REPS1: variants seen among roughly 807,000 people sequenced by gnomAD.
The protein encoded by REPS1 is ralBP1-associated Eps domain-containing protein 1.
Under a neutral mutation model 100.9 loss-of-function variants are expected in REPS1, and 39 were observed. The ratio of observed to expected loss-of-function variants is 0.39; its 90% CI spans 0.30 to 0.50. The LOEUF is 0.50. Ranked by LOEUF, REPS1 falls within the 20% of genes least tolerant of loss-of-function variation. REPS1 has a pLI of 0.86. For missense variants in REPS1, 821 were observed against 968.5 expected (o/e 0.85, Z 2.02); for synonymous variants, 324 against 340.3 (o/e 0.95, Z 0.53).
intron 1 of REPS1, among the ~76,000 whole-genome samples, chr6:138,977,195 A>G (rs1271939308): frequency 6.6e-6 from 1 of 152,218 alleles, no homozygotes; most frequent in Non-Finnish European, 1.5e-5. Flanking sequence ...CTATCACCCA[A>G]GTATTTTCCT....
At chr6:138,907,313 A>AAAAGGGTGTGTGTGT in intron 19 of REPS1, 182 bp downstream of exon 19, 1 of 132,590 alleles carries the variant, frequency 7.5e-6, no homozygotes, top group Admixed American at 1.1e-4. Context: ...AAAAAAAAAA[A>AAAAGGGTGTGTGTGT]GTGTGTGTGT....
chr6:138,960,437 AAAC>A (rs1189259818), intron 1 of REPS1, among the ~76,000 whole-genome samples: 1 of 152,188 alleles, frequency 6.6e-6, no homozygotes. Flanking sequence ...AATTCATGTA[AAAC>A]AACAATAATC....
At chr6:138,921,388 T>C (rs951208586) in intron 10 of REPS1, among the ~76,000 whole-genome samples, 4 of 151,176 alleles carry the variant, frequency 2.6e-5, no homozygotes, top group Non-Finnish European at 4.4e-5. Context: ...GGCTGGGCAC[T>C]GACGCTCACA....
rs1582881298 is a variant in REPS1 at position 138,987,520 on chromosome 6, G to A, written c.153+10C>T. On this transcript the variant is annotated intron_variant, in intron 1 of 19. Transcript: ENST00000450536. ...CTAAGCCGCCCGCCGGCCCCGGGAC[G>A]CGACGTTACCTGTAGGACCACGTCG... is the stretch of plus-strand genomic sequence containing the variant. 2.6e-6 allele frequency: 4 copies of A among 1,544,016 alleles called. No individual in the cohort carries two copies. Among genetic ancestry groups the A allele is most frequent in the Non-Finnish European group, 3.5e-6 (4 of 1,144,118 alleles).
intron 8 of REPS1, among the ~76,000 whole-genome samples, chr6:138,940,744 C>T (rs1479427463): frequency 1.9e-5 from 2 of 107,954 alleles, no homozygotes; most frequent in Non-Finnish European, 3.9e-5. Flanking sequence ...GACTCCAACT[C>T]AAAAAAAAGA....
At chr6:138,923,441 CGTATGT>C (rs1780909341) in intron 10 of REPS1, among the ~76,000 whole-genome samples, 1 of 152,126 alleles carries the variant, frequency 6.6e-6, no homozygotes, top group Non-Finnish European at 1.5e-5. Context: ...CTATATTCGA[CGTATGT>C]GTATGTGTAT....
intron 1 of REPS1, among the ~76,000 whole-genome samples, chr6:138,972,683 TA>T (rs11330627): frequency 0.56 from 74,885 of 133,084 alleles, 19,619 homozygotes; most frequent in East Asian, 0.66. Flanking sequence ...ACAATACCAC[TA>T]AAAAAAAAAA....
intron 5 of REPS1, 37 bp from the exon 6 acceptor site, chr6:138,944,052 C>T (rs778956706): frequency 6.9e-6 from 11 of 1,591,368 alleles, no homozygotes; most frequent in Non-Finnish European, 6.9e-6. Context: ...ACAATATCTA[C>T]CTACATGATT....
At position 138,926,419 on chromosome 6, in the gene REPS1, G is replaced by A. The variant is rs376833592; in HGVS notation, c.1320C>T (p.Asn440=). The change falls in exon 10 of 20, where the codon AAC becomes AAT. Residue 440 remains asparagine (N), a synonymous_variant. Coordinates refer to ENST00000450536, the MANE Select transcript of REPS1 (RefSeq NM_001286611.2). ...GACTTACAGGATCAGCTGGTGCAAT[G>A]TTAGAATCAAATTGGGTCAGAGTTT... ...SSQTLTQFDS[N]IAPADPDTAI... 5.7e-5 allele frequency: 92 copies of A among 1,612,070 alleles called. No homozygotes were observed. The highest frequency in any genetic ancestry group is 3.3e-4 in the Middle Eastern group (2 of 6,082).
chr6:138,944,031 T>G lies in REPS1; in HGVS notation c.754-16A>C. 1 of 1,612,626 alleles carries G rather than the reference T, an allele frequency of 6.2e-7. No homozygotes were observed. Among genetic ancestry groups the G allele is most frequent in the Non-Finnish European group, 8.5e-7 (1 of 1,179,144 alleles). On this transcript the variant is annotated splice_polypyrimidine_tract_variant and intron_variant, in intron 5 of 19. Transcript: ENST00000450536. ...TTGTCTGGTCCTGTAATGAAACATT[T>G]TTTCCTCAGTACAATATCTACCTAC...
At chr6:138,983,338 C>T (rs917165629) in intron 1 of REPS1, among the ~76,000 whole-genome samples, 22 of 152,026 alleles carry the variant, frequency 1.4e-4, no homozygotes, top group African/African-American at 5.1e-4. Flanking sequence ...GCCTGTAGTC[C>T]CAGCTACCCA....
At chr6:138,917,402 G>C (rs1261993016) in intron 13 of REPS1, among the ~76,000 whole-genome samples, 153 bp downstream of exon 13, 1 of 152,134 alleles carries the variant, frequency 6.6e-6, no homozygotes, top group East Asian at 1.9e-4. Context: ...ATTCAAGTTG[G>C]AAAGGATCAA....
At chr6:138,917,710 T>C in intron 12 of REPS1, 83 bp from the exon 13 acceptor site, 14 of 1,126,380 alleles carry the variant, frequency 1.2e-5, no homozygotes, top group Non-Finnish European at 1.8e-5. Context: ...ATAAGTGATA[T>C]GCTGTTTCAA....
rs903259064 is a variant in REPS1 at position 138,922,602 on chromosome 6, C to T, written c.1339-1478G>A. 4.6e-5 allele frequency among the ~76,000 whole-genome samples: 7 copies of T among 152,140 alleles called. No individual in the cohort carries two copies. In the East Asian group the frequency reaches 1.3e-3, roughly 29 times the overall value. ...GTAGGCCTGATCTTAGGGACTGAGA[C>T]TCCCAGGGCAGAAACCAGAACCAGA... On this transcript the variant is annotated intron_variant, in intron 10 of 19. Coordinates refer to ENST00000450536, the MANE Select transcript of REPS1 (RefSeq NM_001286611.2).
chr6:138,944,164 G>A, intron 5 of REPS1, 149 bp from the exon 6 acceptor site: 2 of 736,280 alleles, frequency 2.7e-6, no homozygotes, highest in Non-Finnish European at 4.4e-6. Context: ...TCAGATTATT[G>A]GATATGTTTT....
At chr6:138,930,169 TA>T (rs1454037609) in intron 8 of REPS1, 71 bp from the exon 9 acceptor site, 41 of 1,334,498 alleles carry the variant, frequency 3.1e-5, no homozygotes, top group Middle Eastern at 2.1e-4. Flanking sequence ...ATTTACTTAT[TA>T]AAAAAAAGCC....
At chr6:138,981,904 AAAAC>A (rs141094470) in intron 1 of REPS1, among the ~76,000 whole-genome samples, 13,299 of 152,088 alleles carry the variant, frequency 0.087, 1,200 homozygotes, top group African/African-American at 0.23. Flanking sequence ...GCTATTGATT[AAAAC>A]AAACAAACAA....
intron 7 of REPS1, among the ~76,000 whole-genome samples, chr6:138,943,021 T>A (rs1782369652): frequency 6.6e-6 from 1 of 152,206 alleles, no homozygotes; most frequent in South Asian, 2.1e-4. Flanking sequence ...GTGCTAAGAT[T>A]ACAGGTATGA....
chr6:138,951,959 C>T (rs1783065980), intron 1 of REPS1, among the ~76,000 whole-genome samples: 1 of 152,142 alleles, frequency 6.6e-6, no homozygotes, highest in Admixed American at 6.5e-5. Flanking sequence ...ACCATGGGAA[C>T]CACTTGAAAT....
Sources: gnomAD v4.1 joint callset for allele counts (sites outside exome capture counted in the v4.1 genomes callset) on GRCh38, gnomAD v4.1.1 for gene constraint, MANE v1.5 for transcripts, NCBI Gene and HGNC (gene_info 2026-07-23, HGNC 2026-07-21) for gene names.